SEC24A: variants seen among roughly 807,000 people sequenced by gnomAD.
The protein encoded by SEC24A is protein transport protein Sec24A.
In SEC24A, 93 loss-of-function variants were observed where a neutral mutation model predicts 129.4. The observed-to-expected ratio is 0.72, with a 90% confidence interval of 0.61 to 0.85. SEC24A has a LOEUF of 0.85. Ranked by LOEUF, SEC24A falls within the 40% of genes least tolerant of loss-of-function variation. SEC24A has a pLI of 0.00. For synonymous variants in SEC24A, 460 were observed against 467.3 expected (o/e 0.98, Z 0.20); for missense variants, 1,264 against 1,307.4 (o/e 0.97, Z 0.51).
At position 134,661,338 on chromosome 5, in the gene SEC24A, C is replaced by T; in HGVS notation, c.317C>T (p.Pro106Leu). The change falls in exon 2 of 23, where the codon CCC becomes CTC. Residue 106 changes from proline (P) to leucine (L), a missense_variant. Transcript: ENST00000398844. ...VTPSLHSGPA[P>L]RMPLPASQNP... ...CCTTCGCTTCATAGTGGTCCTGCTC[C>T]CCGAATGCCATTACCTGCTTCTCAG... is the stretch of plus-strand genomic sequence containing the variant. 2 of 1,614,172 alleles carry T rather than the reference C, an allele frequency of 1.2e-6. No homozygotes were observed. Among genetic ancestry groups the T allele is most frequent in the Non-Finnish European group, 1.7e-6 (2 of 1,180,020 alleles).
chr5:134,685,913 C>T (rs1018941640), intron 9 of SEC24A, among the ~76,000 whole-genome samples: 3 of 151,936 alleles, frequency 2.0e-5, no homozygotes, highest in Non-Finnish European at 2.9e-5. Flanking sequence ...CTCTTGAACC[C>T]AGGAGGCAGA....
At chr5:134,721,431 C>T (rs982868878) in intron 21 of SEC24A, among the ~76,000 whole-genome samples, 2 of 151,014 alleles carry the variant, frequency 1.3e-5, no homozygotes, top group African/African-American at 4.9e-5. Flanking sequence ...GGCGTGGTGG[C>T]GCACACCTGT....
At chr5:134,664,701 T>C (rs1000204922) in intron 2 of SEC24A, among the ~76,000 whole-genome samples, 3 of 151,982 alleles carry the variant, frequency 2.0e-5, no homozygotes, top group African/African-American at 7.2e-5. Context: ...GGGAGTTACA[T>C]GGCAATAATC....
chr5:134,695,838 C>G (rs576958479), intron 13 of SEC24A, among the ~76,000 whole-genome samples: 33 of 151,078 alleles, frequency 2.2e-4, no homozygotes, highest in Non-Finnish European at 4.6e-4. Context: ...CCTGTAGTCC[C>G]AGCTACTTGG....
At chr5:134,717,459 A>C (rs1220383511) in intron 19 of SEC24A, among the ~76,000 whole-genome samples, 2 of 151,918 alleles carry the variant, frequency 1.3e-5, no homozygotes, top group Non-Finnish European at 2.9e-5. Flanking sequence ...GTGAGCCAAG[A>C]TGGTGCCATT....
chr5:134,661,355 G>T lies in SEC24A; in HGVS notation c.334G>T (p.Ala112Ser). The part of the protein sequence containing the change: ...SGPAPRMPLP[A>S]SQNPATTPMP... The stretch of plus-strand genomic sequence containing the variant: ...TCCTGCTCCCCGAATGCCATTACCT[G>T]CTTCTCAGAACCCAGCTACTACACC... The change falls in exon 2 of 23, where the codon GCT (alanine) becomes TCT (serine). Residue 112 changes from alanine to serine, a missense_variant. Coordinates refer to ENST00000398844, the MANE Select transcript of SEC24A (RefSeq NM_021982.3). 1.2e-6 allele frequency: 2 copies of T among 1,614,160 alleles called. No homozygotes were observed. Among genetic ancestry groups the T allele is most frequent in the Non-Finnish European group, 1.7e-6 (2 of 1,180,030 alleles).
At chr5:134,707,840 A>G (rs780553504) in intron 17 of SEC24A, among the ~76,000 whole-genome samples, 1 of 152,108 alleles carries the variant, frequency 6.6e-6, no homozygotes, top group Non-Finnish European at 1.5e-5. Flanking sequence ...TTAAGTATTG[A>G]AAGAATGTTT....
intron 21 of SEC24A, among the ~76,000 whole-genome samples, chr5:134,722,321 G>A (rs1318579756): frequency 1.3e-5 from 2 of 151,694 alleles, no homozygotes; most frequent in Admixed American, 6.6e-5. Flanking sequence ...AGAAACCCCC[G>A]TCTCAAGGCG....
intron 12 of SEC24A, 155 bp from the exon 13 acceptor site, chr5:134,693,572 G>C: frequency 7.0e-7 from 1 of 1,431,970 alleles, no homozygotes. Flanking sequence ...ACTTAAAATG[G>C]CTTTCTTGTC....
At chr5:134,693,997 CTTG>C in intron 13 of SEC24A, 64 bp downstream of exon 13, 1 of 1,339,734 alleles carries the variant, frequency 7.5e-7, no homozygotes, top group Non-Finnish European at 1.0e-6. Flanking sequence ...GACCATAGAA[CTTG>C]TTTTTTCTTT....
intron 2 of SEC24A, among the ~76,000 whole-genome samples, chr5:134,664,677 C>G (rs1306797792): frequency 6.6e-6 from 1 of 151,966 alleles, no homozygotes; most frequent in Non-Finnish European, 1.5e-5. Flanking sequence ...TATGTGTGAC[C>G]ACTTCTTTGA....
Position 134,715,123 on chromosome 5 carries a change from C to T in SEC24A, c.2827C>T (p.His943Tyr), listed in dbSNP as rs1194988788. Residue 943 changes from histidine to tyrosine, a missense_variant, in exon 19 of 23, where the codon CAT (histidine) becomes TAT (tyrosine). Physicochemically the swap from His to Tyr is moderately conservative, Grantham distance 83 (BLOSUM62 2). Coordinates refer to ENST00000398844, the MANE Select transcript of SEC24A (RefSeq NM_021982.3). ...QPLVYLMLTT[H>Y]PSLYRVDNLS... ...CTTGGTTTACCTTATGCTCACAACT[C>T]ATCCCAGTTTGTATAGAGTTGACAA... The T allele has an allele frequency of 1.9e-6, 3 of 1,609,530 alleles. No homozygotes were observed. The highest frequency in any genetic ancestry group is 3.4e-5 in the Admixed American group (2 of 58,634).
At chr5:134,676,411 T>TA (rs1751063403) in intron 7 of SEC24A, among the ~76,000 whole-genome samples, 1 of 149,346 alleles carries the variant, frequency 6.7e-6, no homozygotes, top group Non-Finnish European at 1.5e-5. Context: ...GTGCTGGAAT[T>TA]ACAGGCGTGA....
At chr5:134,717,807 C>T (rs1158655770) in intron 19 of SEC24A, among the ~76,000 whole-genome samples, 1 of 151,834 alleles carries the variant, frequency 6.6e-6, no homozygotes, top group African/African-American at 2.4e-5. Context: ...CCCAGCTACT[C>T]GGGAGGCTGA....
At chr5:134,683,479 T>G (rs1383624251) in intron 9 of SEC24A, among the ~76,000 whole-genome samples, 1 of 152,204 alleles carries the variant, frequency 6.6e-6, no homozygotes, top group Non-Finnish European at 1.5e-5. Context: ...GGTCTTGCAT[T>G]TTAAAACTAA....
At chr5:134,718,906 G>A (rs1254779257) in intron 20 of SEC24A, among the ~76,000 whole-genome samples, 2 of 150,984 alleles carry the variant, frequency 1.3e-5, no homozygotes, top group Non-Finnish European at 2.9e-5. Flanking sequence ...GGAGGCAGAG[G>A]TTGCAGTGAG....
intron 16 of SEC24A, among the ~76,000 whole-genome samples, chr5:134,705,082 ATATATATATTTT>A: frequency 7.7e-6 from 1 of 130,496 alleles, no homozygotes; most frequent in Admixed American, 7.9e-5. Context: ...ATATATATAT[ATATATATATTTT>A]TTTTTTTTTA....
intron 7 of SEC24A, among the ~76,000 whole-genome samples, chr5:134,678,289 T>C (rs73295481): frequency 0.024 from 3,725 of 152,328 alleles, 64 homozygotes; most frequent in African/African-American, 0.056. Flanking sequence ...TACTTTATTA[T>C]AGTTGAGAAC....
intron 18 of SEC24A, among the ~76,000 whole-genome samples, chr5:134,713,407 T>A (rs1400715864): frequency 6.6e-6 from 1 of 152,106 alleles, no homozygotes; most frequent in Non-Finnish European, 1.5e-5. Context: ...ACCTCCTGTA[T>A]TTTTCCTATA....
Sources: allele counts gnomAD v4.1 joint callset (sites outside exome capture counted in the v4.1 genomes callset), GRCh38; gene constraint gnomAD v4.1.1; transcripts MANE v1.5; gene names NCBI Gene and HGNC (gene_info 2026-07-23, HGNC 2026-07-21).